PKIB: variants seen among roughly 807,000 people sequenced by gnomAD.
PKIB encodes the protein PKI-beta.
In PKIB, 2 loss-of-function variants were observed where a neutral mutation model predicts 4.5. The observed-to-expected ratio is 0.44, with a 90% CI of 0.18 to 1.39. The LOEUF is 1.39. PKIB is among the 40% of genes most tolerant of loss of function. The probability of loss-of-function intolerance (pLI) is 0.27; values close to 1 mark genes in which losing one functional copy is unlikely to be tolerated. For synonymous variants in PKIB, 38 were observed against 36.0 expected, an observed-to-expected ratio of 1.06 and a Z score of -0.20; for missense variants, 94 against 92.6, an observed-to-expected ratio of 1.02 and a Z score of -0.06.
chr6:122,509,817 A>G (rs1272336419), intron 2 of PKIB, among the ~76,000 whole-genome samples: 3 of 152,142 alleles, frequency 2.0e-5, no homozygotes, highest in African/African-American at 4.8e-5. Context: ...CATCATTTTG[A>G]ATAATAACCC....
At chr6:122,722,811 T>C (rs1779795859) in intron 4 of PKIB, among the ~76,000 whole-genome samples, 1 of 152,178 alleles carries the variant, frequency 6.6e-6, no homozygotes, top group African/African-American at 2.4e-5. Flanking sequence ...CAAAACTCCT[T>C]GACAGAGTTA....
intron 2 of PKIB, among the ~76,000 whole-genome samples, chr6:122,527,655 T>TTA (rs1777133496): frequency 6.6e-6 from 1 of 152,054 alleles, no homozygotes; most frequent in Non-Finnish European, 1.5e-5. Context: ...CTCAAATAAA[T>TTA]TATAATAGTA....
chr6:122,661,887 T>C (rs955624661), intron 2 of PKIB, among the ~76,000 whole-genome samples: 12 of 152,208 alleles, frequency 7.9e-5, no homozygotes, highest in African/African-American at 2.9e-4. Flanking sequence ...ATAGTCATCA[T>C]AGTGAGTGTA....
intron 3 of PKIB, among the ~76,000 whole-genome samples, chr6:122,710,537 T>C (rs1779232705): frequency 6.6e-6 from 1 of 152,162 alleles, no homozygotes. Flanking sequence ...AAATGAGAAA[T>C]GGGTGGTCTG....
Position 122,725,455 on chromosome 6 carries a change from A to G in PKIB, c.*260A>G, listed in dbSNP as rs1582851997. 8.0e-6 allele frequency: 3 copies of G among 374,950 alleles called. No homozygotes were observed. The East Asian group carries it at 1.2e-4, about 16-fold the overall frequency. The allele number at this position is 374,950 out of a possible 1,614,324, so 23.2% of individuals were successfully genotyped here. On this transcript the variant is annotated 3_prime_UTR_variant, in exon 5 of 5. Coordinates refer to ENST00000368452, the MANE Select transcript of PKIB (RefSeq NM_181795.3). ...ATAATACATGATCACAGAAATGCAT[A>G]CCACTGTCTGTAAACCCAACAAAAT... is the stretch of plus-strand genomic sequence containing the variant.
At chr6:122,535,876 C>A (rs577716705) in intron 2 of PKIB, among the ~76,000 whole-genome samples, 1 of 152,088 alleles carries the variant, frequency 6.6e-6, no homozygotes, top group Non-Finnish European at 1.5e-5. Flanking sequence ...CACTTTGAGT[C>A]AATTGATAAG....
chr6:122,585,633 A>G (rs1582715036), intron 2 of PKIB: 1 of 152,152 alleles, frequency 6.6e-6, no homozygotes, highest in Non-Finnish European at 1.5e-5. Context: ...CATTAAGTCT[A>G]TAGAAGTGAA....
At chr6:122,693,110 T>C (rs763901463) in intron 3 of PKIB, among the ~76,000 whole-genome samples, 6 of 152,222 alleles carry the variant, frequency 3.9e-5, no homozygotes, top group Admixed American at 1.3e-4. Context: ...ACAACTGTAA[T>C]TGGGGCTTCT....
intron 2 of PKIB, among the ~76,000 whole-genome samples, chr6:122,539,545 G>T (rs1777522462): frequency 6.6e-6 from 1 of 152,016 alleles, no homozygotes; most frequent in South Asian, 2.1e-4. Context: ...CTTGATCATG[G>T]TGGATAAGCT....
In PKIB at chr6:122,717,783, G is replaced by A. The variant is rs1582843602; in HGVS notation, c.-8-4G>A. The A allele has an allele frequency of 6.2e-7, 1 of 1,613,478 alleles. No homozygotes were observed. The highest frequency in any genetic ancestry group is 8.5e-7 in the Non-Finnish European group (1 of 1,179,606). ...TCTTCTTCATATGCACATTCTATTT[G>A]TAGATGTTGCTATGAGGACAGATTC... is the stretch of plus-strand genomic sequence containing the variant. On this transcript the variant is annotated splice_region_variant and splice_polypyrimidine_tract_variant and intron_variant, in intron 3 of 4. Transcript: ENST00000368452.
chr6:122,608,485 A>C (rs1774620727), upstream of PKIB, among the ~76,000 whole-genome samples: 1 of 152,250 alleles, frequency 6.6e-6, no homozygotes, highest in Non-Finnish European at 1.5e-5. Flanking sequence ...AGCTACTGCA[A>C]ACCTTTCCGC....
intron 2 of PKIB, among the ~76,000 whole-genome samples, chr6:122,671,569 A>C (rs1777464266): frequency 6.6e-6 from 1 of 152,142 alleles, no homozygotes; most frequent in South Asian, 2.1e-4. Flanking sequence ...AATTTGCATA[A>C]TGTAACTAAC....
At chr6:122,522,202 CATTT>C (rs947333709) in intron 2 of PKIB, among the ~76,000 whole-genome samples, 1 of 151,734 alleles carries the variant, frequency 6.6e-6, no homozygotes, top group African/African-American at 2.4e-5. Flanking sequence ...CAAATAAGCA[CATTT>C]ATTTAAGAAT....
chr6:122,592,188 G>A (rs893412152), intron 3 of PKIB, among the ~76,000 whole-genome samples: 7 of 151,616 alleles, frequency 4.6e-5, no homozygotes, highest in African/African-American at 1.7e-4. Flanking sequence ...TAATCTTTTA[G>A]AATAATAAAT....
chr6:122,663,627 T>A (rs1777101637), intron 2 of PKIB, among the ~76,000 whole-genome samples: 1 of 152,180 alleles, frequency 6.6e-6, no homozygotes, highest in African/African-American at 2.4e-5. Flanking sequence ...CTGGTAGATG[T>A]GTCCCTCCTA....
chr6:122,666,997 A>G (rs1249858428), intron 2 of PKIB, among the ~76,000 whole-genome samples: 1 of 152,030 alleles, frequency 6.6e-6, no homozygotes, highest in Non-Finnish European at 1.5e-5. Context: ...AGAATGTTTA[A>G]TGCATCTAGA....
intron 3 of PKIB, among the ~76,000 whole-genome samples, chr6:122,679,565 C>A (rs889017660): frequency 1.1e-4 from 17 of 152,056 alleles, no homozygotes; most frequent in African/African-American, 3.9e-4. Flanking sequence ...AGCAGTCCAT[C>A]CACAGATTTA....
chr6:122,582,943 A>G lies in PKIB; in HGVS notation c.-247-2978A>G, dbSNP rs1163041998. 3.3e-5 allele frequency among the ~76,000 whole-genome samples: 5 copies of G among 152,028 alleles called. No homozygotes were observed. In the East Asian group the frequency reaches 7.7e-4, roughly 23 times the overall value. ...TTTCTTTGGCTATGCAAGTTGTATC[A>G]TATTTTCCTGTTTTCATAATCATCT... is the stretch of plus-strand genomic sequence containing the variant. On this transcript the variant is annotated intron_variant, in intron 2 of 6. Coordinates refer to the PKIB transcript ENST00000392491.
chr6:122,480,573 A>G (rs1050131655), intron 2 of PKIB: 1 of 152,194 alleles, frequency 6.6e-6, no homozygotes, highest in Non-Finnish European at 1.5e-5. Context: ...AAATTTTTTG[A>G]AAATGTAGTA....
Sources: allele counts gnomAD v4.1 joint callset (sites outside exome capture counted in the v4.1 genomes callset), GRCh38; gene constraint gnomAD v4.1.1; transcripts MANE v1.5; gene names NCBI Gene and HGNC (gene_info 2026-07-23, HGNC 2026-07-21).